The following MAN1A2 variants were observed in gnomAD, a reference collection of about 807,000 sequenced individuals.
MAN1A2 encodes the protein mannosyl-oligosaccharide 1,2-alpha-mannosidase IB.
Under a neutral mutation model 75.7 loss-of-function variants are expected in MAN1A2, and 26 were observed. The observed-to-expected ratio is 0.34, with a 90% CI of 0.25 to 0.48. The LOEUF (loss-of-function observed/expected upper bound fraction) is 0.48, where lower values mean the gene tolerates loss of function less well. Ranked by LOEUF, MAN1A2 falls within the 20% of genes least tolerant of loss-of-function variation. MAN1A2 has a pLI of 0.99. For synonymous variants in MAN1A2, 247 were observed against 264.6 expected, an observed-to-expected ratio of 0.93 and a Z score of 0.65; for missense variants, 562 against 775.5, an observed-to-expected ratio of 0.72 and a Z score of 3.27.
At chr1:117,418,989 G>A (rs554134522) in intron 4 of MAN1A2, among the ~76,000 whole-genome samples, 7 of 152,204 alleles carry the variant, frequency 4.6e-5, no homozygotes, top group African/African-American at 1.7e-4. Context: ...GTTCAGTTAT[G>A]TGAAAGGAAA....
At chr1:117,421,210 G>C (rs1648176703) in intron 5 of MAN1A2, among the ~76,000 whole-genome samples, 1 of 152,034 alleles carries the variant, frequency 6.6e-6, no homozygotes, top group Admixed American at 6.6e-5. Context: ...TGAGGTTGAA[G>C]AGTGGGAGAA....
chr1:117,376,440 A>G (rs1653147784), intron 1 of MAN1A2, among the ~76,000 whole-genome samples: 2 of 152,194 alleles, frequency 1.3e-5, no homozygotes, highest in Admixed American at 1.3e-4. Context: ...TGAAAGGTCT[A>G]ATTACCCTGC....
chr1:117,387,193 C>T (rs1653556283), intron 1 of MAN1A2, among the ~76,000 whole-genome samples: 1 of 146,168 alleles, frequency 6.8e-6, no homozygotes, highest in Non-Finnish European at 1.5e-5. Flanking sequence ...GATAACCCTT[C>T]ACATCTATTA....
chr1:117,481,290 C>A (rs1650488244), intron 8 of MAN1A2, among the ~76,000 whole-genome samples: 1 of 151,496 alleles, frequency 6.6e-6, no homozygotes, highest in Non-Finnish European at 1.5e-5. Flanking sequence ...ATATTCTGTA[C>A]CTCTTCTTCA....
Position 117,442,331 on chromosome 1 carries a change from T to G in MAN1A2, c.950+6T>G. 6.4e-7 allele frequency: 1 copy of G among 1,554,110 alleles called. No homozygotes were observed. Among genetic ancestry groups the G allele is most frequent in the Non-Finnish European group, 8.9e-7 (1 of 1,125,432 alleles). On this transcript the variant is annotated splice_donor_region_variant and intron_variant, in intron 6 of 12. Transcript: ENST00000356554. Reference sequence around the variant, plus strand: ...GCAATGGTGAATTTGAAAAGGTAACTCTATGTGGGTATTCTTATTCTGGAA... The same window carrying G: ...GCAATGGTGAATTTGAAAAGGTAACGCTATGTGGGTATTCTTATTCTGGAA...
Position 117,394,618 on chromosome 1 carries a change from A to G in MAN1A2, c.303-7568A>G, listed in dbSNP as rs1653849377. Among the ~76,000 whole-genome samples the G allele has an allele frequency of 2.6e-5, 4 of 152,164 alleles. No individual in the cohort carries two copies. In the South Asian group the frequency reaches 8.3e-4, roughly 32 times the overall value. ...CTGAATGAGTGTAAGAGCAGAAGTG[A>G]CCAAAAGGCTGGAACACTGTACTTT... On this transcript the variant is annotated intron_variant, in intron 1 of 12. Coordinates refer to ENST00000356554, the MANE Select transcript of MAN1A2 (RefSeq NM_006699.5).
chr1:117,519,934 A>G (rs986946115), intron 12 of MAN1A2, among the ~76,000 whole-genome samples: 1 of 152,152 alleles, frequency 6.6e-6, no homozygotes, highest in African/African-American at 2.4e-5. Flanking sequence ...CCTTTACAAA[A>G]TACTAGCTAA....
chr1:117,442,746 T>G (rs1246393782), intron 6 of MAN1A2, among the ~76,000 whole-genome samples: 1 of 152,152 alleles, frequency 6.6e-6, no homozygotes, highest in Non-Finnish European at 1.5e-5. Context: ...TACCTAGAAA[T>G]GAGGGCTTCC....
At chr1:117,370,238 A>T (rs1652915211) in intron 1 of MAN1A2, among the ~76,000 whole-genome samples, 2 of 152,190 alleles carry the variant, frequency 1.3e-5, no homozygotes, top group Non-Finnish European at 2.9e-5. Context: ...GGAATGAGAG[A>T]TTGGTTATTG....
At chr1:117,370,066 A>G (rs3767790) in intron 1 of MAN1A2, among the ~76,000 whole-genome samples, 38,256 of 152,124 alleles carry the variant, frequency 0.25, 5,589 homozygotes, top group East Asian at 0.48. Flanking sequence ...CAGTAAATGG[A>G]GTTAAAATAT....
intron 10 of MAN1A2, among the ~76,000 whole-genome samples, chr1:117,498,375 C>T (rs1651099054): frequency 6.6e-6 from 1 of 151,720 alleles, no homozygotes; most frequent in African/African-American, 2.4e-5. Context: ...ATATAGCATA[C>T]ATTCTAAAAT....
At chr1:117,433,411 A>G (rs1648740503) in intron 5 of MAN1A2, among the ~76,000 whole-genome samples, 1 of 152,208 alleles carries the variant, frequency 6.6e-6, no homozygotes, top group Non-Finnish European at 1.5e-5. Flanking sequence ...GATAAGGGAC[A>G]CCTACGAAAA....
At chr1:117,499,586 A>T (rs756395830) in intron 11 of MAN1A2, 32 bp downstream of exon 11, 1 of 1,549,154 alleles carries the variant, frequency 6.5e-7, no homozygotes, top group Non-Finnish European at 8.8e-7. Flanking sequence ...TTTATCTGCA[A>T]GAGTGTTAAC....
chr1:117,462,921 C>T (rs1649865350), intron 7 of MAN1A2, among the ~76,000 whole-genome samples: 1 of 151,878 alleles, frequency 6.6e-6, no homozygotes, highest in Non-Finnish European at 1.5e-5. Context: ...AGTGAACAGA[C>T]CATCAAAGGT....
chr1:117,430,300 C>CG (rs1268443490), intron 5 of MAN1A2, among the ~76,000 whole-genome samples: 1 of 129,960 alleles, frequency 7.7e-6, no homozygotes, highest in East Asian at 2.2e-4. Context: ...GCTGGTCGGG[C>CG]GGGGGGCTGA....
At chr1:117,393,562 C>T (rs1653802995) in intron 1 of MAN1A2, among the ~76,000 whole-genome samples, 1 of 151,770 alleles carries the variant, frequency 6.6e-6, no homozygotes, top group Admixed American at 6.6e-5. Flanking sequence ...TTTGAGAAGG[C>T]TATTTAATAT....
intron 5 of MAN1A2, among the ~76,000 whole-genome samples, chr1:117,427,170 C>G (rs181698037): frequency 4.7e-5 from 7 of 148,756 alleles, no homozygotes; most frequent in Admixed American, 4.7e-4. Context: ...TTTTTTTTTT[C>G]CAAAAGTCAA....
At chr1:117,480,625 C>T (rs1200349783) in intron 8 of MAN1A2, among the ~76,000 whole-genome samples, 1 of 151,860 alleles carries the variant, frequency 6.6e-6, no homozygotes, top group African/African-American at 2.4e-5. Flanking sequence ...CATGCTGCCT[C>T]ATTTTTTTAC....
intron 12 of MAN1A2, among the ~76,000 whole-genome samples, chr1:117,516,647 A>G (rs924975630): frequency 1.3e-4 from 20 of 152,082 alleles, no homozygotes; most frequent in African/African-American, 4.3e-4. Flanking sequence ...ACAGGAGGCA[A>G]TGAAGGACAG....
Sources: allele counts gnomAD v4.1 joint callset (sites outside exome capture counted in the v4.1 genomes callset), GRCh38; gene constraint gnomAD v4.1.1; transcripts MANE v1.5; gene names NCBI Gene and HGNC (gene_info 2026-07-23, HGNC 2026-07-21).